The following LRP1B variants were observed in gnomAD, a reference collection of about 807,000 sequenced individuals.
LRP1B encodes the protein LDL receptor related protein 1B.
In LRP1B, 217 loss-of-function variants were observed where a neutral mutation model predicts 556.6. The ratio of observed to expected loss-of-function variants is 0.39; its 90% CI spans 0.35 to 0.44. LRP1B has a LOEUF of 0.44. Among genes scored for constraint, LRP1B ranks in the 20% least tolerant of loss-of-function variants. The pLI is 1.00. For synonymous variants in LRP1B, 2,047 were observed against 1,865.8 expected (o/e 1.10, Z -2.50); for missense variants, 5,053 against 5,620.8 (o/e 0.90, Z 3.23).
intron 4 of LRP1B, among the ~76,000 whole-genome samples, chr2:141,251,770 A>T (rs1684270021): frequency 6.6e-6 from 1 of 152,164 alleles, no homozygotes; most frequent in Non-Finnish European, 1.5e-5. Context: ...GAAGTAACAC[A>T]AGATGGCACC....
chr2:141,358,734 T>G (rs557994657), intron 3 of LRP1B, among the ~76,000 whole-genome samples: 2 of 152,304 alleles, frequency 1.3e-5, no homozygotes, highest in South Asian at 2.1e-4. Context: ...AAAGAATAGA[T>G]AGCAACACAG....
At chr2:141,610,876 T>C (rs559666085) in intron 2 of LRP1B, among the ~76,000 whole-genome samples, 19 of 152,306 alleles carry the variant, frequency 1.2e-4, no homozygotes, top group African/African-American at 4.1e-4. Context: ...CTGTATTATT[T>C]TGAAGTTCTT....
At chr2:141,910,440 G>A (rs1699879141) in intron 1 of LRP1B, among the ~76,000 whole-genome samples, 1 of 152,018 alleles carries the variant, frequency 6.6e-6, no homozygotes, top group African/African-American at 2.4e-5. Context: ...TTGTTATTAT[G>A]AGTATCCCCA....
intron 87 of LRP1B, among the ~76,000 whole-genome samples, chr2:140,245,972 C>G (rs1681142691): frequency 6.6e-6 from 1 of 151,300 alleles, no homozygotes; most frequent in South Asian, 2.1e-4. Flanking sequence ...CCCAGACTGT[C>G]TATTCTAGAC....
chr2:140,425,479 C>G (rs1167909442), intron 66 of LRP1B, among the ~76,000 whole-genome samples: 1 of 152,108 alleles, frequency 6.6e-6, no homozygotes, highest in Non-Finnish European at 1.5e-5. Context: ...TCTTGGCTCA[C>G]TGCTCACTGC....
chr2:140,980,524 T>A (rs1275732760), intron 18 of LRP1B, among the ~76,000 whole-genome samples: 2 of 152,198 alleles, frequency 1.3e-5, no homozygotes, highest in Non-Finnish European at 2.9e-5. Flanking sequence ...TTCTTTACTA[T>A]GTCAATTACC....
rs2105397033 is a variant in LRP1B at position 141,020,039 on chromosome 2, T to A, written c.1853A>T (p.Asp618Val). The A allele has an allele frequency of 6.2e-7, 1 of 1,611,984 alleles. No individual in the cohort carries two copies. Among genetic ancestry groups the A allele is most frequent in the Non-Finnish European group, 8.5e-7 (1 of 1,178,592 alleles). ...WIGNNLYWTN[D>V]GHRKTINVAR... The stretch of plus-strand genomic sequence containing the variant: ...CACATTAATGGTTTTCCTATGGCCA[T>A]CATTGGTCCAGTAAAGATTATTTCC... The change falls in exon 12 of 91, where the codon GAT (aspartate) becomes GTT (valine). Residue 618 changes from aspartate (D) to valine (V), a missense_variant. Transcript: ENST00000389484.
intron 26 of LRP1B, 31 bp from the exon 27 acceptor site, chr2:140,867,865 T>G (rs1217937660): frequency 4.0e-6 from 6 of 1,495,354 alleles, no homozygotes; most frequent in Non-Finnish European, 4.5e-6. Context: ...GAGTAGTTTG[T>G]CAAAACTCAT....
intron 6 of LRP1B, among the ~76,000 whole-genome samples, chr2:141,202,869 T>C (rs112733206): frequency 1.3e-5 from 2 of 151,980 alleles, no homozygotes; most frequent in African/African-American, 4.8e-5. Context: ...CCTAACGTTA[T>C]TGCTCCCCTA....
intron 1 of LRP1B, among the ~76,000 whole-genome samples, chr2:142,090,201 G>C (rs1356256097): frequency 1.3e-5 from 2 of 151,928 alleles, no homozygotes; most frequent in African/African-American, 4.8e-5. Flanking sequence ...GCCTTTAAAA[G>C]GTTATTATTC....
At chr2:142,010,554 CAAAA>C (rs33927334) in intron 1 of LRP1B, among the ~76,000 whole-genome samples, 3 of 60,240 alleles carry the variant, frequency 5.0e-5, no homozygotes, top group East Asian at 6.2e-4. Flanking sequence ...GATTCTGTCT[CAAAA>C]AAAAAAAAAA....
chr2:141,414,167 G>A (rs1320798451), intron 3 of LRP1B, among the ~76,000 whole-genome samples: 5 of 150,738 alleles, frequency 3.3e-5, no homozygotes, highest in Admixed American at 2.6e-4. Flanking sequence ...AACCCGGGAG[G>A]CGGAGCTTGC....
chr2:140,664,232 TGA>T (rs2105345698), intron 41 of LRP1B, among the ~76,000 whole-genome samples: 1 of 152,312 alleles, frequency 6.6e-6, no homozygotes, highest in African/African-American at 2.4e-5. Flanking sequence ...GTACATAAAG[TGA>T]GCACATGTTA....
chr2:141,540,761 T>C (rs2105208974), intron 2 of LRP1B, among the ~76,000 whole-genome samples: 1 of 152,148 alleles, frequency 6.6e-6, no homozygotes, highest in African/African-American at 2.4e-5. Flanking sequence ...ATCACTGAAA[T>C]ATAGTTACCT....
At chr2:140,957,924 A>T (rs1165875193) in intron 18 of LRP1B, among the ~76,000 whole-genome samples, 1 of 151,568 alleles carries the variant, frequency 6.6e-6, no homozygotes, top group Non-Finnish European at 1.5e-5. Context: ...GAGGGGAAAA[A>T]AGTCCCCTTG....
At chr2:142,109,200 A>G (rs988464099) in intron 1 of LRP1B, among the ~76,000 whole-genome samples, 1 of 152,246 alleles carries the variant, frequency 6.6e-6, no homozygotes, top group African/African-American at 2.4e-5. Flanking sequence ...AACAACAAAA[A>G]GAACATGATG....
chr2:141,810,518 A>G (rs1696322673), intron 1 of LRP1B, 117 bp from the exon 2 acceptor site: 1 of 1,075,376 alleles, frequency 9.3e-7, no homozygotes, highest in Non-Finnish European at 1.3e-6. Context: ...TATGATCCAC[A>G]TTTTCTGTTC....
chr2:140,258,734 G>A (rs191721787), intron 86 of LRP1B, among the ~76,000 whole-genome samples: 42 of 152,172 alleles, frequency 2.8e-4, no homozygotes, highest in Admixed American at 1.6e-3. Flanking sequence ...GTATTAAGAT[G>A]AGAAAAGAGG....
chr2:142,022,897 A>G (rs1703385390), intron 1 of LRP1B, among the ~76,000 whole-genome samples: 1 of 151,840 alleles, frequency 6.6e-6, no homozygotes, highest in Non-Finnish European at 1.5e-5. Flanking sequence ...GGATGGTCTT[A>G]ATGTCCTTTC....
Sources: gnomAD v4.1 joint callset for allele counts (sites outside exome capture counted in the v4.1 genomes callset) on GRCh38, gnomAD v4.1.1 for gene constraint, MANE v1.5 for transcripts, NCBI Gene and HGNC (gene_info 2026-07-23, HGNC 2026-07-21) for gene names.